The following SLC27A2 variants were observed in gnomAD, a reference collection of about 807,000 sequenced individuals.
SLC27A2 encodes solute carrier family 27 member 2, also known as long-chain fatty acid transport protein 2.
A neutral mutation model predicts 60.0 loss-of-function variants in SLC27A2; 54 were observed. The observed-to-expected ratio is 0.90, with a 90% CI of 0.72 to 1.13. The LOEUF (loss-of-function observed/expected upper bound fraction) is 1.13. SLC27A2 is among the 50% of genes most tolerant of loss of function. The pLI is 0.00. For synonymous variants in SLC27A2, 297 were observed against 297.6 expected (o/e 1.00, Z 0.02); for missense variants, 739 against 777.6 (o/e 0.95, Z 0.59).
intron 4 of SLC27A2, among the ~76,000 whole-genome samples, chr15:50,209,536 G>T (rs1396570163): frequency 6.6e-6 from 1 of 152,160 alleles, no homozygotes; most frequent in Non-Finnish European, 1.5e-5. Flanking sequence ...CAGTCTGGCA[G>T]GAGGTGAAGC....
intron 8 of SLC27A2, among the ~76,000 whole-genome samples, chr15:50,233,076 G>A (rs1342019123): frequency 6.6e-6 from 1 of 152,054 alleles, no homozygotes; most frequent in African/African-American, 2.4e-5. Flanking sequence ...AACTTCTCTG[G>A]GCTAAATTCC....
intron 2 of SLC27A2, among the ~76,000 whole-genome samples, chr15:50,201,693 C>CTA (rs2045064795): frequency 6.6e-6 from 1 of 151,930 alleles, no homozygotes; most frequent in Non-Finnish European, 1.5e-5. Flanking sequence ...GTAGCTAGGA[C>CTA]TATAGGCACC....
rs543108481 is a variant in SLC27A2 at position 50,211,732 on chromosome 15, G to A, written c.972+6369G>A. Among the ~76,000 whole-genome samples the A allele has an allele frequency of 1.0e-3, 152 of 151,708 alleles. 1 individual carries two copies. The highest frequency in any genetic ancestry group is 1.8e-3 in the Non-Finnish European group (121 of 67,678). ...CCAATGCAAGGAAATCCAAAAAAACGTTACAAGAGTGAAAGGAGAAATATT... is the reference window on the plus strand; with the variant it reads ...CCAATGCAAGGAAATCCAAAAAAACATTACAAGAGTGAAAGGAGAAATATT... On this transcript the variant is annotated intron_variant, in intron 4 of 9. Coordinates refer to ENST00000267842, the MANE Select transcript of SLC27A2 (RefSeq NM_003645.4).
chr15:50,226,700 C>T (rs2045280735), intron 6 of SLC27A2, among the ~76,000 whole-genome samples: 1 of 152,060 alleles, frequency 6.6e-6, no homozygotes, highest in African/African-American at 2.4e-5. Context: ...CCACTGTACT[C>T]CAGCCTGGGC....
At chr15:50,212,373 G>A (rs2045164611) in intron 4 of SLC27A2, among the ~76,000 whole-genome samples, 1 of 152,138 alleles carries the variant, frequency 6.6e-6, no homozygotes, top group Non-Finnish European at 1.5e-5. Flanking sequence ...AACATATTTG[G>A]GTGAATAATT....
intron 2 of SLC27A2, among the ~76,000 whole-genome samples, chr15:50,201,557 ATTTCT>A (rs1347050649): frequency 6.0e-5 from 9 of 148,836 alleles, no homozygotes; most frequent in Admixed American, 6.0e-4. Context: ...GAGTGTGCAT[ATTTCT>A]TTTTTTTTTT....
At chr15:50,226,839 C>T (rs1222254646) in intron 6 of SLC27A2, 141 bp from the exon 7 acceptor site, 5 of 628,374 alleles carry the variant, frequency 8.0e-6, no homozygotes, top group Non-Finnish European at 1.4e-5. Context: ...ACATATAATT[C>T]ACAGGTATAC....
chr15:50,223,151 CTA>C lies in SLC27A2; in HGVS notation c.1160_1161del (p.Leu387ProfsTer8), dbSNP rs1313901504. On this transcript the variant is annotated frameshift_variant, in exon 5 of 10. Coordinates refer to ENST00000267842, the MANE Select transcript of SLC27A2 (RefSeq NM_003645.4). LOFTEE classifies it high-confidence loss of function. ...TGGTGCTGTTGGAAGAGTAAACTACCTACAGAAAGTAAGTACATTGAAAAATG... is the reference window on the plus strand; with the variant it reads ...TGGTGCTGTTGGAAGAGTAAACTACCCAGAAAGTAAGTACATTGAAAAATG... The part of the protein sequence containing the change: ...KVGAVGRVNY[L>X]QKKIITYDLI... 1 of 1,609,614 alleles carries C rather than the reference CTA, an allele frequency of 6.2e-7. No homozygotes were observed. Among genetic ancestry groups the C allele is most frequent in the Admixed American group, 1.7e-5 (1 of 59,530 alleles).
intron 5 of SLC27A2, 120 bp downstream of exon 5, chr15:50,223,279 C>T (rs1245290495): frequency 1.6e-6 from 1 of 637,704 alleles, no homozygotes; most frequent in Non-Finnish European, 2.5e-6. Context: ...TGGCCCATTC[C>T]TATCACCAAG....
At chr15:50,189,787 T>C (rs190055728) in intron 1 of SLC27A2, among the ~76,000 whole-genome samples, 1 of 152,300 alleles carries the variant, frequency 6.6e-6, no homozygotes, top group Non-Finnish European at 1.5e-5. Flanking sequence ...AAGTAGATCA[T>C]TGGTAGAAAG....
At chr15:50,220,814 G>T (rs2045237086) in intron 4 of SLC27A2, among the ~76,000 whole-genome samples, 1 of 118,972 alleles carries the variant, frequency 8.4e-6, no homozygotes. Context: ...GTATAGCCAG[G>T]GCTTGCCCTG....
At chr15:50,212,407 A>G (rs2045164733) in intron 4 of SLC27A2, among the ~76,000 whole-genome samples, 1 of 152,256 alleles carries the variant, frequency 6.6e-6, no homozygotes, top group Non-Finnish European at 1.5e-5. Context: ...AAGCCTTGCT[A>G]GACCTAGACA....
chr15:50,195,934 G>A (rs1238326064), intron 1 of SLC27A2, among the ~76,000 whole-genome samples: 2 of 147,836 alleles, frequency 1.4e-5, no homozygotes, highest in African/African-American at 2.5e-5. Context: ...GGGCGCCTGT[G>A]GTCCCAGCTA....
intron 3 of SLC27A2, among the ~76,000 whole-genome samples, chr15:50,204,992 C>T (rs1283115398): frequency 4.0e-5 from 6 of 150,492 alleles, no homozygotes; most frequent in African/African-American, 7.3e-5. Flanking sequence ...TCATTTGAAT[C>T]TCTTACTGCA....
intron 1 of SLC27A2, among the ~76,000 whole-genome samples, chr15:50,193,755 C>T (rs1285883237): frequency 6.6e-6 from 1 of 152,012 alleles, no homozygotes; most frequent in East Asian, 1.9e-4. Flanking sequence ...AAAATTTTTT[C>T]AATTATAAAC....
Position 50,223,113 on chromosome 15 carries a change from A to G in SLC27A2, c.1121A>G (p.Tyr374Cys), listed in dbSNP as rs956682079. 6.2e-7 allele frequency: 1 copy of G among 1,613,844 alleles called. No homozygotes were observed. The highest frequency in any genetic ancestry group is 1.3e-5 in the African/African-American group (1 of 74,930). ...ATEGNIGFMN[Y>C]ARKVGAVGRV... ...GAAGGCAATATTGGATTTATGAATT[A>G]TGCGAGAAAAGTTGGTGCTGTTGGA... Residue 374 changes from tyrosine to cysteine, a missense_variant, in exon 5 of 10, where the codon TAT (tyrosine) becomes TGT (cysteine). Coordinates refer to ENST00000267842, the MANE Select transcript of SLC27A2 (RefSeq NM_003645.4).
At position 50,202,557 on chromosome 15, in the gene SLC27A2, A is replaced by T. The variant is rs1194770465; in HGVS notation, c.759A>T (p.Gly253=). 6.2e-7 allele frequency: 1 copy of T among 1,614,164 alleles called. No homozygotes were observed. The highest frequency in any genetic ancestry group is 1.1e-5 in the South Asian group (1 of 91,084). Residue 253 remains glycine (G), a synonymous_variant, in exon 3 of 10, where the codon GGA becomes GGT. Coordinates refer to ENST00000267842, the MANE Select transcript of SLC27A2 (RefSeq NM_003645.4). ...GAACTGGCCTCACTTTTGTAAGCGG[A>T]TTGAAGGCAGATGATGTCATCTATA... ...WYGTGLTFVS[G]LKADDVIYIT... is the part of the protein sequence containing the mutation.
At chr15:50,234,294 A>T (rs1213477637) in intron 9 of SLC27A2, among the ~76,000 whole-genome samples, 1 of 152,058 alleles carries the variant, frequency 6.6e-6, no homozygotes, top group Admixed American at 6.5e-5. Flanking sequence ...AAAAATGAAA[A>T]TTTTTAAAAA....
intron 7 of SLC27A2, among the ~76,000 whole-genome samples, chr15:50,227,719 C>T (rs947699704): frequency 2.1e-4 from 32 of 152,294 alleles, no homozygotes; most frequent in African/African-American, 7.7e-4. Context: ...GTCCTCCAGC[C>T]TCATGACACA....
Sources: allele counts gnomAD v4.1 joint callset (sites outside exome capture counted in the v4.1 genomes callset), GRCh38; gene constraint gnomAD v4.1.1; transcripts MANE v1.5; gene names NCBI Gene and HGNC (gene_info 2026-07-23, HGNC 2026-07-21).